Variants in KPNB1 observed in about 807,000 individuals in gnomAD.
KPNB1 encodes the protein karyopherin subunit beta 1, also known as importin subunit beta-1.
KPNB1 carries 7 observed loss-of-function variants against 113.0 expected under a neutral mutation model. That is an observed-to-expected ratio of 0.06 (90% CI 0.04 to 0.12). The LOEUF (loss-of-function observed/expected upper bound fraction) is 0.12, where lower values mean the gene tolerates loss of function less well. Ranked by LOEUF, KPNB1 falls within the 10% of genes least tolerant of loss-of-function variation. KPNB1 has a pLI of 1.00. For missense variants in KPNB1, 400 were observed against 1,054.8 expected (o/e 0.38, Z 8.60); for synonymous variants, 363 against 378.6 (o/e 0.96, Z 0.48).
chr17:47,665,513 T>G (rs1270665632), intron 9 of KPNB1, among the ~76,000 whole-genome samples: 3 of 152,256 alleles, frequency 2.0e-5, no homozygotes, highest in Non-Finnish European at 4.4e-5. Flanking sequence ...GCGTATCTGT[T>G]GTAATATCCA....
intron 16 of KPNB1, 125 bp from the exon 17 acceptor site, chr17:47,676,895 T>G: frequency 1.5e-6 from 1 of 655,208 alleles, no homozygotes; most frequent in Non-Finnish European, 2.6e-6. Flanking sequence ...GTTGAAAAAT[T>G]AATCTCGGCA....
In KPNB1 at chr17:47,658,616, C is replaced by T; in HGVS notation, c.592C>T (p.Leu198Phe). ...NNVKLAATNA[L>F]LNSLEFTKAN... ...TGTGAAGCTAGCTGCTACGAATGCA[C>T]TCCTGAACTCATTGGAGTTCACCAA... The change falls in exon 5 of 22, where the codon CTC (leucine) becomes TTC (phenylalanine). Residue 198 changes from leucine (L) to phenylalanine (F), a missense_variant. Leu to Phe is a conservative substitution (Grantham distance 22). Transcript: ENST00000290158. 6.2e-7 allele frequency: 1 copy of T among 1,613,970 alleles called. No individual in the cohort carries two copies. The highest frequency in any genetic ancestry group is 8.5e-7 in the Non-Finnish European group (1 of 1,179,994).
At chr17:47,662,894 AAGAG>A (rs1241718227) in intron 6 of KPNB1, among the ~76,000 whole-genome samples, 191 bp from the exon 7 acceptor site, 1 of 152,166 alleles carries the variant, frequency 6.6e-6, no homozygotes, top group Non-Finnish European at 1.5e-5. Flanking sequence ...TTCCCCGAAA[AAGAG>A]AGACAAAATG....
At position 47,682,377 on chromosome 17, in the gene KPNB1, T is replaced by C. The variant is rs182746676; in HGVS notation, c.*-27T>C. ...TGTTGGGTATATGTGATCTCAAAGA[T>C]TGACCTTTTTTTCCATCTGTTTTCA... On this transcript the variant is annotated intron_variant, in intron 21 of 21. Transcript: ENST00000290158. 1.6e-3 allele frequency: 1,267 copies of C among 781,028 alleles called. 13 individuals carry two copies. In the African/African-American group the frequency reaches 0.018, roughly 11 times the overall value. 48.4% of individuals were successfully genotyped at this position (781,028 alleles called of 1,614,324 possible). A position where few individuals can be genotyped will look rare whatever the true frequency, so the allele number is the denominator to read the frequency against.
chr17:47,651,448 TCAA>T, intron 2 of KPNB1: 1 of 650,742 alleles, frequency 1.5e-6, no homozygotes, highest in Non-Finnish European at 1.9e-6. Flanking sequence ...AATGTCAACA[TCAA>T]CAAAGTGACA....
intron 10 of KPNB1, among the ~76,000 whole-genome samples, chr17:47,669,475 T>C (rs2143144987): frequency 6.6e-6 from 1 of 152,304 alleles, no homozygotes; most frequent in South Asian, 2.1e-4. Context: ...CACCAAATTC[T>C]TAATATAAAA....
chr17:47,657,169 T>C (rs987619099), intron 4 of KPNB1, 109 bp downstream of exon 4: 37 of 891,076 alleles, frequency 4.2e-5, no homozygotes, highest in Middle Eastern at 3.0e-4. Context: ...CCAAGCTAAA[T>C]TGCACAGTTT....
At chr17:47,677,189 A>G (rs2030638125) in intron 17 of KPNB1, 62 bp downstream of exon 17, 7 of 1,202,946 alleles carry the variant, frequency 5.8e-6, no homozygotes, top group African/African-American at 2.9e-5. Context: ...AGTTGGAAAG[A>G]TAGTTAAATA....
At position 47,657,066 on chromosome 17, in the gene KPNB1, T is replaced by C; in HGVS notation, c.483+6T>C. ...GTTATATTTGCCAAGATATAGTAAG[T>C]GCTTGCCTAATGTATCTGGTTTATA... is the stretch of plus-strand genomic sequence containing the variant. On this transcript the variant is annotated splice_donor_region_variant and intron_variant, in intron 4 of 21. Coordinates refer to ENST00000290158, the MANE Select transcript of KPNB1 (RefSeq NM_002265.6). 1 of 1,611,750 alleles carries C rather than the reference T, an allele frequency of 6.2e-7. No individual in the cohort carries two copies. The highest frequency in any genetic ancestry group is 8.5e-7 in the Non-Finnish European group (1 of 1,178,356).
intron 3 of KPNB1, among the ~76,000 whole-genome samples, chr17:47,653,271 A>AG (rs1915629185): frequency 9.1e-6 from 1 of 109,866 alleles, no homozygotes. Flanking sequence ...AGCTCAGGGA[A>AG]TTTTTTTTTT....
intron 18 of KPNB1, 43 bp downstream of exon 18, chr17:47,678,232 A>G (rs749014205): frequency 3.1e-6 from 5 of 1,613,070 alleles, no homozygotes; most frequent in East Asian, 2.2e-5. Context: ...GTCTAGCTCT[A>G]ATTGGAGGGA....
At chr17:47,674,924 C>T (rs2030550196) in intron 15 of KPNB1, 142 bp downstream of exon 15, 5 of 781,534 alleles carry the variant, frequency 6.4e-6, no homozygotes, top group African/African-American at 3.5e-5. Flanking sequence ...TCACATGATC[C>T]TTCCACTTCA....
chr17:47,680,198 G>GT, intron 20 of KPNB1, 64 bp downstream of exon 20: 2 of 1,185,036 alleles, frequency 1.7e-6, no homozygotes, highest in Non-Finnish European at 2.5e-6. Context: ...AAAACATGGA[G>GT]TAAGGAGTTT....
Position 47,674,757 on chromosome 17 carries a change from G to A in KPNB1, c.1887G>A (p.Leu629=), listed in dbSNP as rs749505079. Residue 629 remains leucine, a synonymous_variant, in exon 15 of 22, where the codon CTG becomes CTA. Coordinates refer to ENST00000290158, the MANE Select transcript of KPNB1 (RefSeq NM_002265.6). ...AGSGGVQEDA[L]MAVSTLVEVL... ...CTGGGGGAGTACAAGAGGATGCCCT[G>A]ATGGCAGTTAGCACACTGGTGGAAG... The A allele has an allele frequency of 6.2e-7, 1 of 1,613,052 alleles. No homozygotes were observed.
At chr17:47,676,807 CT>C (rs10649330) in intron 16 of KPNB1, among the ~76,000 whole-genome samples, 307 of 116,224 alleles carry the variant, frequency 2.6e-3, no homozygotes, top group Admixed American at 4.3e-3. Context: ...GAGAGCAAGG[CT>C]TTTTTTTTTT....
At chr17:47,676,867 C>T (rs2030629620) in intron 16 of KPNB1, among the ~76,000 whole-genome samples, 153 bp from the exon 17 acceptor site, 1 of 147,720 alleles carries the variant, frequency 6.8e-6, no homozygotes, top group Non-Finnish European at 1.5e-5. Flanking sequence ...TCTTTGTTCC[C>T]TGCCTGCCAT....
intron 15 of KPNB1, among the ~76,000 whole-genome samples, chr17:47,675,398 T>TTTTTTTTTTTTTC (rs2030586875): frequency 7.0e-6 from 1 of 142,068 alleles, no homozygotes; most frequent in Non-Finnish European, 1.5e-5. Context: ...TGTTTTTTTT[T>TTTTTTTTTTTTTC]TGAGACTTGT....
intron 12 of KPNB1, 140 bp from the exon 13 acceptor site, chr17:47,672,878 C>T (rs1215066127): frequency 3.1e-6 from 2 of 654,676 alleles, no homozygotes; most frequent in Non-Finnish European, 4.9e-6. Context: ...AGATTTCATT[C>T]TTGGATATTG....
chr17:47,669,133 C>T (rs865971699), intron 10 of KPNB1, among the ~76,000 whole-genome samples: 7 of 151,678 alleles, frequency 4.6e-5, no homozygotes, highest in Middle Eastern at 3.4e-3. Flanking sequence ...TGGAGTCTTA[C>T]TCTGTCACCC....
Sources: allele counts gnomAD v4.1 joint callset (sites outside exome capture counted in the v4.1 genomes callset), GRCh38; gene constraint gnomAD v4.1.1; transcripts MANE v1.5; gene names NCBI Gene and HGNC (gene_info 2026-07-23, HGNC 2026-07-21).